RIPOR2: variants seen among roughly 807,000 people sequenced by gnomAD.
RIPOR2 encodes rho family-interacting cell polarization regulator 2.
A neutral mutation model predicts 114.5 loss-of-function variants in RIPOR2; 39 were observed. That is an observed-to-expected ratio of 0.34 (90% CI 0.26 to 0.44). RIPOR2 has a LOEUF of 0.44. Ranked by LOEUF, RIPOR2 falls within the 20% of genes least tolerant of loss-of-function variation. The pLI, the probability that RIPOR2 is intolerant of heterozygous loss-of-function variation, is 1.00. For synonymous variants in RIPOR2, 445 were observed against 484.4 expected, an observed-to-expected ratio of 0.92 and a Z score of 1.07; for missense variants, 1,007 against 1,255.1, an observed-to-expected ratio of 0.80 and a Z score of 2.99.
chr6:24,829,833 T>G (rs1055412061), intron 17 of RIPOR2, among the ~76,000 whole-genome samples: 1 of 152,122 alleles, frequency 6.6e-6, no homozygotes, highest in African/African-American at 2.4e-5. Context: ...GATCCAACGG[T>G]AGGGGGTATA....
intron 1 of RIPOR2, chr6:24,947,835 T>G (rs1581857667): frequency 2.0e-5 from 3 of 152,322 alleles, no homozygotes; most frequent in African/African-American, 7.2e-5. Context: ...GCCTCAACTT[T>G]TAATGTATAA....
intron 8 of RIPOR2, among the ~76,000 whole-genome samples, chr6:24,855,691 A>T (rs1195646388): frequency 1.3e-5 from 2 of 152,150 alleles, no homozygotes; most frequent in African/African-American, 4.8e-5. Flanking sequence ...GATGCTGTGG[A>T]TGGTATCACA....
intron 1 of RIPOR2, among the ~76,000 whole-genome samples, chr6:24,881,545 G>A (rs1424787515): frequency 6.6e-6 from 1 of 152,166 alleles, no homozygotes; most frequent in African/African-American, 2.4e-5. Context: ...TGAGCCTCTA[G>A]GCACAGAACC....
intron 1 of RIPOR2, among the ~76,000 whole-genome samples, chr6:24,957,740 T>A (rs1273612599): frequency 2.0e-5 from 3 of 152,126 alleles, no homozygotes; most frequent in African/African-American, 4.8e-5. Flanking sequence ...CTGGGCATGG[T>A]GGCAGGCGCC....
chr6:25,027,354 C>G (rs1776677375), intron 1 of RIPOR2, among the ~76,000 whole-genome samples: 1 of 152,098 alleles, frequency 6.6e-6, no homozygotes, highest in Non-Finnish European at 1.5e-5. Context: ...CAGGGGGAGG[C>G]GCTCGAGGGT....
At chr6:24,850,898 C>T (rs895208579) in intron 9 of RIPOR2, among the ~76,000 whole-genome samples, 176 bp from the exon 10 acceptor site, 1 of 138,396 alleles carries the variant, frequency 7.2e-6, no homozygotes, top group African/African-American at 2.6e-5. Flanking sequence ...GGGGAGGAGA[C>T]TTTTTTTTTT....
chr6:24,932,917 T>C (rs564403840), intron 1 of RIPOR2, among the ~76,000 whole-genome samples: 3 of 152,208 alleles, frequency 2.0e-5, no homozygotes, highest in Non-Finnish European at 4.4e-5. Context: ...GGTAGATACA[T>C]CATTTTGAAG....
At position 24,861,050 on chromosome 6, in the gene RIPOR2, A is replaced by T; in HGVS notation, c.652-14T>A. The T allele has an allele frequency of 6.3e-7, 1 of 1,599,410 alleles. No homozygotes were observed. Among genetic ancestry groups the T allele is most frequent in the Non-Finnish European group, 8.6e-7 (1 of 1,168,452 alleles). On this transcript the variant is annotated splice_polypyrimidine_tract_variant and intron_variant, in intron 7 of 21. Transcript: ENST00000643898. Reference sequence around the variant, plus strand: ...GGTGCACATATTCTGCAAAGAGGACAGGAGACGATCATGAGAGCTAGCCTT... The same window carrying T: ...GGTGCACATATTCTGCAAAGAGGACTGGAGACGATCATGAGAGCTAGCCTT...
chr6:25,023,655 C>T (rs1382803747), intron 1 of RIPOR2: 80 of 762,672 alleles, frequency 1.0e-4, no homozygotes, highest in South Asian at 8.0e-5. Context: ...TCATAGATAC[C>T]TCGGGACTTC....
chr6:24,875,865 A>C (rs1562300002), intron 1 of RIPOR2, 48 bp from the exon 2 acceptor site: 2 of 1,539,862 alleles, frequency 1.3e-6, no homozygotes, highest in African/African-American at 2.7e-5. Flanking sequence ...AGGTTCAGAC[A>C]GAAGATGCAC....
In RIPOR2 at chr6:24,842,956, T is replaced by G; in HGVS notation, c.1763A>C (p.Asn588Thr). ...TGGTTCTAATGCAAGTAAAAGCCCA[T>G]TAAAAGCATCCTCTAAGCTTCCATC... ...FLDGSLEDAF[N>T]GLLLALEPHK... Residue 588 changes from asparagine to threonine, a missense_variant, in exon 13 of 22, where the codon AAT becomes ACT. Coordinates refer to ENST00000643898, the MANE Select transcript of RIPOR2 (RefSeq NM_001286445.3). 2 of 1,531,238 alleles carry G rather than the reference T, an allele frequency of 1.3e-6. No homozygotes were observed. The highest frequency in any genetic ancestry group is 8.8e-7 in the Non-Finnish European group (1 of 1,140,822). 94.9% of individuals were successfully genotyped at this position (1,531,238 alleles called of 1,614,324 possible). A position where few individuals can be genotyped will look rare whatever the true frequency, so the allele number is the denominator to read the frequency against.
intron 1 of RIPOR2, among the ~76,000 whole-genome samples, chr6:24,925,655 T>C (rs1484192392): frequency 6.6e-6 from 1 of 151,918 alleles, no homozygotes; most frequent in East Asian, 1.9e-4. Context: ...TGAACCAAGA[T>C]TGCACCACTG....
chr6:24,975,033 T>C (rs573990761), intron 1 of RIPOR2, among the ~76,000 whole-genome samples: 39 of 152,350 alleles, frequency 2.6e-4, no homozygotes, highest in African/African-American at 8.7e-4. Context: ...ATGGGGTTTC[T>C]TTTAATGGTA....
At chr6:24,932,625 AT>A (rs970956118) in intron 1 of RIPOR2, among the ~76,000 whole-genome samples, 13 of 152,144 alleles carry the variant, frequency 8.5e-5, no homozygotes, top group South Asian at 8.3e-4. Flanking sequence ...TCATTGACTC[AT>A]TTTTTTTCTT....
chr6:24,989,284 A>C (rs532890480), intron 1 of RIPOR2, among the ~76,000 whole-genome samples: 1 of 148,014 alleles, frequency 6.8e-6, no homozygotes, highest in South Asian at 2.1e-4. Flanking sequence ...ACTTATACTA[A>C]TTGTACTTGT....
chr6:24,993,990 A>G (rs1774941513), intron 1 of RIPOR2, among the ~76,000 whole-genome samples: 1 of 152,200 alleles, frequency 6.6e-6, no homozygotes, highest in African/African-American at 2.4e-5. Flanking sequence ...TGAGCCCAAG[A>G]TAAGAGTTGA....
intron 19 of RIPOR2, among the ~76,000 whole-genome samples, chr6:24,823,999 C>T (rs1477856654): frequency 1.3e-5 from 2 of 152,184 alleles, no homozygotes; most frequent in African/African-American, 4.8e-5. Flanking sequence ...TCAGGTGATC[C>T]ACCCACCTCG....
At chr6:24,887,381 A>AT (rs962806945) in intron 1 of RIPOR2, among the ~76,000 whole-genome samples, 23 of 152,064 alleles carry the variant, frequency 1.5e-4, no homozygotes, top group South Asian at 2.1e-4. Flanking sequence ...CTAAGCCCTA[A>AT]TTTTTTTTAT....
At chr6:25,017,734 G>C (rs547116362) in intron 1 of RIPOR2, among the ~76,000 whole-genome samples, 1 of 152,220 alleles carries the variant, frequency 6.6e-6, no homozygotes, top group Non-Finnish European at 1.5e-5. Context: ...TGGTAGCTGC[G>C]GTGTGGGAGC....
Sources: gnomAD v4.1 joint callset for allele counts (sites outside exome capture counted in the v4.1 genomes callset) on GRCh38, gnomAD v4.1.1 for gene constraint, MANE v1.5 for transcripts, NCBI Gene and HGNC (gene_info 2026-07-23, HGNC 2026-07-21) for gene names.